The following RARB variants were observed in gnomAD, a reference collection of about 807,000 sequenced individuals.
The protein encoded by RARB is retinoic acid receptor beta.
Under a neutral mutation model 51.9 loss-of-function variants are expected in RARB, and 17 were observed. That is an observed-to-expected ratio of 0.33 (90% CI 0.22 to 0.49). RARB has a LOEUF of 0.49. Among genes scored for constraint, RARB ranks in the 20% least tolerant of loss-of-function variants. RARB has a pLI of 0.99. For synonymous variants in RARB, 215 were observed against 195.4 expected (o/e 1.10, Z -0.84); for missense variants, 369 against 550.8 (o/e 0.67, Z 3.30).
intron 2 of RARB, among the ~76,000 whole-genome samples, chr3:24,954,010 T>C (rs1159803497): frequency 1.3e-5 from 2 of 152,186 alleles, no homozygotes; most frequent in Non-Finnish European, 2.9e-5. Flanking sequence ...TCCTTTTCCT[T>C]ACTGTTTACT....
intron 2 of RARB, among the ~76,000 whole-genome samples, chr3:24,889,446 AAAGG>A (rs1703332659): frequency 6.6e-6 from 1 of 152,178 alleles, no homozygotes. Context: ...ATATTTGTAA[AAAGG>A]AAGAACATCA....
chr3:25,583,621 A>G (rs1466320204), intron 5 of RARB, among the ~76,000 whole-genome samples: 1 of 152,202 alleles, frequency 6.6e-6, no homozygotes, highest in Admixed American at 6.5e-5. Context: ...CCCTCATAAT[A>G]CAGGCAGATG....
intron 5 of RARB, among the ~76,000 whole-genome samples, chr3:25,396,328 T>C (rs1337401792): frequency 1.3e-5 from 2 of 152,256 alleles, no homozygotes; most frequent in Non-Finnish European, 2.9e-5. Context: ...GCTGGTTTTC[T>C]TGAATGCTGG....
At chr3:25,584,848 G>A (rs917401729) in intron 5 of RARB, among the ~76,000 whole-genome samples, 1 of 152,170 alleles carries the variant, frequency 6.6e-6, no homozygotes, top group Non-Finnish European at 1.5e-5. Context: ...GTGGATGTGA[G>A]ATGGCAGAGT....
At chr3:25,197,954 C>A (rs2125368380) in intron 5 of RARB, among the ~76,000 whole-genome samples, 1 of 152,026 alleles carries the variant, frequency 6.6e-6, no homozygotes, top group South Asian at 2.1e-4. Context: ...TATGGGACCA[C>A]AAAAGACCCA....
At chr3:25,229,230 G>C (rs1448658327) in intron 5 of RARB, among the ~76,000 whole-genome samples, 1 of 151,904 alleles carries the variant, frequency 6.6e-6, no homozygotes, top group Non-Finnish European at 1.5e-5. Flanking sequence ...TTGTTTCTTA[G>C]TTTGATTATA....
chr3:25,418,886 A>C (rs1707779879), intron 5 of RARB, among the ~76,000 whole-genome samples: 1 of 149,888 alleles, frequency 6.7e-6, no homozygotes, highest in African/African-American at 2.5e-5. Flanking sequence ...TGAGAAATAT[A>C]TTTCTTTCCC....
chr3:25,004,095 A>C (rs1211449415), intron 2 of RARB, among the ~76,000 whole-genome samples: 1 of 152,138 alleles, frequency 6.6e-6, no homozygotes, highest in African/African-American at 2.4e-5. Context: ...TCACGGACTC[A>C]AGTTTTCTCT....
intron 3 of RARB, among the ~76,000 whole-genome samples, chr3:25,509,304 A>T (rs549900709): frequency 6.6e-6 from 1 of 152,360 alleles, no homozygotes; most frequent in South Asian, 2.1e-4. Context: ...TAATGCATTT[A>T]GCACCGTGCT....
intron 2 of RARB, among the ~76,000 whole-genome samples, chr3:25,466,736 A>G (rs953040196): frequency 6.6e-6 from 1 of 152,164 alleles, no homozygotes; most frequent in African/African-American, 2.4e-5. Context: ...CACATAGTAA[A>G]TATTTTAGGC....
chr3:25,531,062 G>T (rs762639866), intron 3 of RARB, among the ~76,000 whole-genome samples: 1 of 152,174 alleles, frequency 6.6e-6, no homozygotes, highest in Non-Finnish European at 1.5e-5. Context: ...AAGAGATAAG[G>T]AAGTAAAGAT....
chr3:25,546,517 T>C (rs1260879214), intron 3 of RARB, among the ~76,000 whole-genome samples: 1 of 152,070 alleles, frequency 6.6e-6, no homozygotes, highest in Admixed American at 6.5e-5. Context: ...AGTTGCAAGG[T>C]AGCTGTGGAA....
intron 5 of RARB, among the ~76,000 whole-genome samples, chr3:25,363,930 G>A (rs903929946): frequency 2.0e-5 from 3 of 152,082 alleles, no homozygotes; most frequent in African/African-American, 7.2e-5. Context: ...TGGCTCAAAT[G>A]TTCTCTCAGA....
chr3:25,458,538 G>T (rs1474166370), intron 1 of RARB: 1 of 152,146 alleles, frequency 6.6e-6, no homozygotes, highest in Non-Finnish European at 1.5e-5. Flanking sequence ...TGCATCTACT[G>T]CTTGATAGCT....
intron 5 of RARB, among the ~76,000 whole-genome samples, chr3:25,379,857 C>A (rs894638349): frequency 6.6e-6 from 1 of 152,082 alleles, no homozygotes; most frequent in Non-Finnish European, 1.5e-5. Context: ...CTTTTTCATA[C>A]CCAGTTGTGT....
chr3:25,184,364 C>T (rs1280834133), intron 5 of RARB, among the ~76,000 whole-genome samples: 2 of 152,100 alleles, frequency 1.3e-5, no homozygotes, highest in African/African-American at 4.8e-5. Flanking sequence ...ACAGAGTTAC[C>T]TGGCTGTTGT....
At chr3:25,061,635 A>G (rs1698551302) in intron 3 of RARB, among the ~76,000 whole-genome samples, 1 of 151,822 alleles carries the variant, frequency 6.6e-6, no homozygotes, top group African/African-American at 2.4e-5. Flanking sequence ...TAGCTGCTTT[A>G]TCTAAACTTA....
intron 2 of RARB, among the ~76,000 whole-genome samples, chr3:24,894,239 T>C (rs1297734247): frequency 6.6e-6 from 1 of 151,934 alleles, no homozygotes. Context: ...TAGTACCTGA[T>C]AGGCGATCTT....
chr3:24,912,335 A>G (rs780742209), intron 2 of RARB, among the ~76,000 whole-genome samples: 3 of 152,186 alleles, frequency 2.0e-5, no homozygotes, highest in Non-Finnish European at 2.9e-5. Context: ...AAAAGGATTC[A>G]TGTACCCGTT....
Sources: gnomAD v4.1 joint callset for allele counts (sites outside exome capture counted in the v4.1 genomes callset) on GRCh38, gnomAD v4.1.1 for gene constraint, MANE v1.5 for transcripts, NCBI Gene and HGNC (gene_info 2026-07-23, HGNC 2026-07-21) for gene names.